RTL1: variants seen among roughly 807,000 people sequenced by gnomAD.
The protein encoded by RTL1 is retrotransposon-like protein 1.
For synonymous variants in RTL1, 727 were observed against 748.4 expected, an observed-to-expected ratio of 0.97 and a Z score of 0.47; for missense variants, 1,681 against 1,767.5, an observed-to-expected ratio of 0.95 and a Z score of 0.88.
chr14:100,886,455 A>T (rs2038699293), intron 3 of RTL1, among the ~76,000 whole-genome samples: 1 of 152,242 alleles, frequency 6.6e-6, no homozygotes, highest in East Asian at 1.9e-4. Flanking sequence ...TAAACTCACC[A>T]AAACTATTCT....
Position 100,882,250 on chromosome 14 carries a change from C to T in RTL1, c.2539G>A (p.Val847Ile). 6.4e-7 allele frequency: 1 copy of T among 1,551,472 alleles called. No individual in the cohort carries two copies. Residue 847 changes from valine to isoleucine, a missense_variant, in exon 4 of 4, where the codon GTC becomes ATC. Transcript: ENST00000649591. ...LLSSYQFYWGVEEQEAFECLK... is the reference protein window; with the variant it reads ...LLSSYQFYWGIEEQEAFECLK... ...CACTCGAAGGCCTCTTGCTCCTCGA[C>T]TCCCCAGTAGAACTGGTAGGAGCTC...
rs772903419 is a variant in RTL1, at chr14:100,882,041, C to G, written c.2748G>C (p.Glu916Asp). 1 of 1,613,454 alleles carries G rather than the reference C, an allele frequency of 6.2e-7. No individual in the cohort carries two copies. Among genetic ancestry groups the G allele is most frequent in the South Asian group, 1.1e-5 (1 of 90,990 alleles). ...YSRNISPIEV[E>D]YSQAEMKILP... The stretch of plus-strand genomic sequence containing the variant: ...GAATCTTCATCTCCGCTTGAGAGTA[C>G]TCAACCTCGATAGGGGAGATGTTGC... Residue 916 changes from glutamate to aspartate, a missense_variant, in exon 4 of 4, where the codon GAG (glutamate) becomes GAC (aspartate). Glu to Asp is a conservative substitution (Grantham distance 45). Transcript: ENST00000649591.
rs191652014 is a variant in RTL1 at position 100,883,406 on chromosome 14, G to A, written c.1383C>T (p.Ser461=). The A allele has an allele frequency of 5.8e-6, 9 of 1,550,354 alleles. No homozygotes were observed. The Admixed American group carries it at 1.4e-4, about 24-fold the overall frequency. ...CGTTGCCAATCAGCGAGCCGTCCAC[G>A]GATTGGACCGGCTGTGGGTACGGCT... ...YEKPYPQPVQ[S]VDGSLIGNEP... Residue 461 remains serine (S), a synonymous_variant, in exon 4 of 4, where the codon TCC becomes TCT. Transcript: ENST00000649591. This position sits in a 1 kb window ranked among gnomAD's most constrained non-coding sequence, Gnocchi z 5.9.
Position 100,880,577 on chromosome 14 carries a change from C to T in RTL1, c.*135G>A, listed in dbSNP as rs927048099. The stretch of plus-strand genomic sequence containing the variant: ...GAGTTGAAGAAGTTGTTGCCCTTCA[C>T]AAGTGGGTTCCTCTTGGGTCAGGAG... On this transcript the variant is annotated 3_prime_UTR_variant, in exon 4 of 4. Coordinates refer to ENST00000649591, the MANE Select transcript of RTL1 (RefSeq NM_001134888.3). The T allele has an allele frequency of 4.1e-6, 6 of 1,461,292 alleles. No individual in the cohort carries two copies. The highest frequency in any genetic ancestry group is 4.5e-6 in the Non-Finnish European group (5 of 1,106,892). The allele number at this position is 1,461,292 out of a possible 1,614,324, so 90.5% of individuals were successfully genotyped here.
Position 100,884,032 on chromosome 14 carries a change from C to T in RTL1, c.757G>A (p.Ala253Thr), listed in dbSNP as rs2038660894. The part of the protein sequence containing the change: ...NHLSGLALEW[A>T]KALLQENSPL... ...CTGTTTTCCTGCAGTAGAGCTTTGG[C>T]CCATTCTAATGCCAAGCCGGACAGG... is the stretch of plus-strand genomic sequence containing the variant. The change falls in exon 4 of 4, where the codon GCC becomes ACC. Residue 253 changes from alanine (A) to threonine (T), a missense_variant. Transcript: ENST00000649591. 6.4e-7 allele frequency: 1 copy of T among 1,551,716 alleles called. No homozygotes were observed. The highest frequency in any genetic ancestry group is 8.7e-7 in the Non-Finnish European group (1 of 1,146,998).
rs555589377 is a variant in RTL1 at position 100,896,528 on chromosome 14, C to A, written c.-148-3023G>T. On this transcript the variant is annotated intron_variant, in intron 2 of 3. Transcript: ENST00000649591. ...CCTTGTCACACAAGTAACCCTGTGCCTGTTTGAGGATTCCAAGAGCCTGTG... is the reference window on the plus strand; with the variant it reads ...CCTTGTCACACAAGTAACCCTGTGCATGTTTGAGGATTCCAAGAGCCTGTG... Among the ~76,000 whole-genome samples the A allele has an allele frequency of 3.9e-5, 6 of 151,934 alleles. No homozygotes were observed. The East Asian group carries it at 1.2e-3, about 30-fold the overall frequency.
intron 2 of RTL1, among the ~76,000 whole-genome samples, chr14:100,901,617 C>T (rs2038942758): frequency 6.6e-6 from 1 of 152,204 alleles, no homozygotes; most frequent in South Asian, 2.1e-4. Context: ...GAAAAGGGCC[C>T]CTCAACCTGC....
chr14:100,891,817 C>A (rs1218832231), intron 3 of RTL1, among the ~76,000 whole-genome samples: 1 of 152,148 alleles, frequency 6.6e-6, no homozygotes, highest in Non-Finnish European at 1.5e-5. Context: ...GTCAACATGA[C>A]CTTCCTCTCC....
Position 100,883,941 on chromosome 14 carries a change from G to C in RTL1, c.848C>G (p.Ala283Gly). 6.4e-7 allele frequency: 1 copy of C among 1,551,652 alleles called. No individual in the cohort carries two copies. Among genetic ancestry groups the C allele is most frequent in the African/African-American group, 1.4e-5 (1 of 73,172 alleles). The change falls in exon 4 of 4, where the codon GCA becomes GGA. Residue 283 changes from alanine to glycine, a missense_variant. Ala to Gly is a moderately conservative substitution (Grantham distance 60, BLOSUM62 0). Transcript: ENST00000649591. The surrounding 1 kb of genome is among the most constrained non-coding windows in gnomAD (Gnocchi z 5.9). ...AMSEVFEYRQ[A>G]LRVAEEAMFT... ...CATGGCCTCTTCTGCCACACGCAGT[G>C]CCTGGCGGTACTCAAACACTTCGGA...
At chr14:100,884,942 G>GA in intron 3 of RTL1, 68 bp from the exon 4 acceptor site, 1 of 663,550 alleles carries the variant, frequency 1.5e-6, no homozygotes. Flanking sequence ...GGCAGTATCA[G>GA]GGTCTCAAGG....
chr14:100,890,570 G>T (rs2038760777), intron 3 of RTL1, among the ~76,000 whole-genome samples: 1 of 151,976 alleles, frequency 6.6e-6, no homozygotes. Context: ...ATGGAAAGGG[G>T]AGTAAGGGAG....
In RTL1 at chr14:100,881,781, C is replaced by T. The variant is rs1284625056; in HGVS notation, c.3008G>A (p.Arg1003Lys). ...GGCGGCAGTGTTCCTCTGGAAGGCTCTCCTCCACCGGAGGTTTCTCACAGG... is the reference window on the plus strand; with the variant it reads ...GGCGGCAGTGTTCCTCTGGAAGGCTTTCCTCCACCGGAGGTTTCTCACAGG... ...LPPVRNLRWR[R>K]AFQRNTAARQ... The change falls in exon 4 of 4, where the codon AGA (arginine) becomes AAA (lysine). Residue 1003 changes from arginine to lysine, a missense_variant. Arg to Lys is a conservative substitution (Grantham distance 26). Transcript: ENST00000649591. This position sits in a 1 kb window ranked among gnomAD's most constrained non-coding sequence, Gnocchi z 6.6. 3 of 1,613,898 alleles carry T rather than the reference C, an allele frequency of 1.9e-6. No homozygotes were observed. The highest frequency in any genetic ancestry group is 2.2e-5 in the East Asian group (1 of 44,876).
chr14:100,891,674 G>A (rs956969107), intron 3 of RTL1, among the ~76,000 whole-genome samples: 3 of 152,204 alleles, frequency 2.0e-5, no homozygotes, highest in Admixed American at 6.5e-5. Flanking sequence ...GAGGGGTCAC[G>A]GGTGAGCTTG....
rs546952106 is a variant in RTL1, at chr14:100,883,897, C to T, written c.892G>A (p.Gly298Ser). 2.2e-5 allele frequency: 34 copies of T among 1,551,420 alleles called. No individual in the cohort carries two copies. Among genetic ancestry groups the T allele is most frequent in the Middle Eastern group, 1.7e-4 (1 of 6,012 alleles). ...TCGATGTACTCAGTGGCAGAGCGGCCGCCCTGCCTGATGGTGAACATGGCC... is the reference window on the plus strand; with the variant it reads ...TCGATGTACTCAGTGGCAGAGCGGCTGCCCTGCCTGATGGTGAACATGGCC... ...EEAMFTIRQG[G>S]RSATEYIDEF... Residue 298 changes from glycine (G) to serine (S), a missense_variant, in exon 4 of 4, where the codon GGC becomes AGC. By Grantham distance (56) the Gly-to-Ser change is moderately conservative. Coordinates refer to ENST00000649591, the MANE Select transcript of RTL1 (RefSeq NM_001134888.3). The surrounding 1 kb of genome is among the most constrained non-coding windows in gnomAD (Gnocchi z 5.9).
rs935665017 is a variant in RTL1 at position 100,893,705 on chromosome 14, C to T, written c.-148-200G>A. ...TGATGCTTCCTGAGTGCTTACTATG[C>T]GCCAAGCGCTGCTTTCACCATTTTA... is the stretch of plus-strand genomic sequence containing the variant. On this transcript the variant is annotated intron_variant, in intron 2 of 3. Transcript: ENST00000649591. This position sits in a 1 kb window ranked among gnomAD's most constrained non-coding sequence, Gnocchi z 4.2. Among the ~76,000 whole-genome samples the T allele has an allele frequency of 3.9e-5, 6 of 152,310 alleles. No homozygotes were observed. Among genetic ancestry groups the T allele is most frequent in the African/African-American group, 1.4e-4 (6 of 41,576 alleles).
At position 100,880,737 on chromosome 14, in the gene RTL1, T is replaced by G. The variant is rs1245942019; in HGVS notation, c.4052A>C (p.Glu1351Ala). 6.4e-7 allele frequency: 1 copy of G among 1,550,786 alleles called. No individual in the cohort carries two copies. The highest frequency in any genetic ancestry group is 8.7e-7 in the Non-Finnish European group (1 of 1,146,968). Residue 1351 changes from glutamate to alanine, a missense_variant, in exon 4 of 4, where the codon GAG becomes GCG. Physicochemically the swap from Glu to Ala is moderately radical, Grantham distance 107. Transcript: ENST00000649591. Reference protein sequence around the residue: ...EQARLEELPDEDEDANLD With the variant: ...EQARLEELPDADEDANLD ...TCAGTCGAGGTTAGCATCTTCGTCC[T>G]CATCAGGCAGCTCTTCTAGCCTTGC... is the stretch of plus-strand genomic sequence containing the variant.
intron 2 of RTL1, chr14:100,898,063 C>G: frequency 2.2e-6 from 1 of 445,506 alleles, no homozygotes; most frequent in Non-Finnish European, 4.7e-6. Flanking sequence ...GGTATGTATG[C>G]ACCATTGTTG....
At chr14:100,900,675 T>C (rs2038929454) in intron 2 of RTL1, among the ~76,000 whole-genome samples, 1 of 152,108 alleles carries the variant, frequency 6.6e-6, no homozygotes, top group Non-Finnish European at 1.5e-5. Context: ...AATAGGGATT[T>C]GGGTCGGTGA....
rs2038616704 is a variant in RTL1, at chr14:100,881,722, G to C, written c.3067C>G (p.Pro1023Ala). The C allele has an allele frequency of 2.5e-6, 4 of 1,598,302 alleles. No homozygotes were observed. The highest frequency in any genetic ancestry group is 1.3e-5 in the African/African-American group (1 of 74,496). ...CCGGATTCCGTCGATGGATCCCTGGGGAATCCCCTTGAGGCCAGCAGCAGG... is the reference window on the plus strand; with the variant it reads ...CCGGATTCCGTCGATGGATCCCTGGCGAATCCCCTTGAGGCCAGCAGCAGG... The part of the protein sequence containing the change: ...QTLLLASRGF[P>A]RDPSTESGEE... Residue 1023 changes from proline to alanine, a missense_variant, in exon 4 of 4, where the codon CCC (proline) becomes GCC (alanine). Transcript: ENST00000649591. This position sits in a 1 kb window ranked among gnomAD's most constrained non-coding sequence, Gnocchi z 6.6.
Sources: allele counts gnomAD v4.1 joint callset (sites outside exome capture counted in the v4.1 genomes callset), GRCh38; gene constraint gnomAD v4.1.1; non-coding constraint Gnocchi (gnomAD v3.1); transcripts MANE v1.5; gene names NCBI Gene and HGNC (gene_info 2026-07-23, HGNC 2026-07-21).